Variants in ERBIN observed in about 807,000 individuals in gnomAD.
ERBIN encodes the protein erbb2 interacting protein.
A neutral mutation model predicts 158.4 loss-of-function variants in ERBIN; 60 were observed. That is an observed-to-expected ratio of 0.38 (90% CI 0.31 to 0.47). The LOEUF (loss-of-function observed/expected upper bound fraction) is 0.47. ERBIN is among the 20% of genes least tolerant of loss of function. ERBIN has a pLI of 0.99. For synonymous variants in ERBIN, 594 were observed against 557.2 expected (o/e 1.07, Z -0.93); for missense variants, 1,610 against 1,648.0 (o/e 0.98, Z 0.40).
At position 66,044,166 on chromosome 5, in the gene ERBIN, A is replaced by G. The variant is rs752094381; in HGVS notation, c.1458A>G (p.Pro486=). The G allele has an allele frequency of 2.9e-5, 46 of 1,583,032 alleles. No homozygotes were observed. In the East Asian group the frequency reaches 9.8e-4, roughly 34 times the overall value. Residue 486 remains proline, a synonymous_variant, in exon 17 of 26, where the codon CCA becomes CCG. Coordinates refer to ENST00000284037, the MANE Select transcript of ERBIN (RefSeq NM_001253697.2). The part of the protein sequence containing the change: ...REGNLKRYPT[P]YPDELKNMVK... Reference sequence around the variant, plus strand: ...GAAATTTAAAAAGATATCCAACACCATACCCAGATGAGCTTAAGAATATGG... The same window carrying G: ...GAAATTTAAAAAGATATCCAACACCGTACCCAGATGAGCTTAAGAATATGG...
At chr5:65,929,909 G>C (rs573382001) in intron 1 of ERBIN, among the ~76,000 whole-genome samples, 35 of 152,170 alleles carry the variant, frequency 2.3e-4, no homozygotes, top group Admixed American at 9.2e-4. Flanking sequence ...CGAAGTGCTG[G>C]GATTACAGGT....
intron 14 of ERBIN, among the ~76,000 whole-genome samples, chr5:66,036,383 C>T (rs1470968842): frequency 6.6e-6 from 1 of 152,152 alleles, no homozygotes; most frequent in African/African-American, 2.4e-5. Context: ...TTCATCTCTA[C>T]CCCATACACA....
chr5:65,965,355 C>T (rs1262934482), intron 1 of ERBIN, among the ~76,000 whole-genome samples: 1 of 141,790 alleles, frequency 7.1e-6, no homozygotes, highest in Non-Finnish European at 1.5e-5. Context: ...CTATGACAGG[C>T]TGTTCTTACC....
At chr5:65,935,778 G>A (rs1744004175) in intron 1 of ERBIN, among the ~76,000 whole-genome samples, 1 of 152,104 alleles carries the variant, frequency 6.6e-6, no homozygotes, top group Non-Finnish European at 1.5e-5. Context: ...AGGCTGTAGT[G>A]CAGTGGCATG....
chr5:66,026,977 A>C (rs1034808101), intron 13 of ERBIN, among the ~76,000 whole-genome samples: 1 of 152,038 alleles, frequency 6.6e-6, no homozygotes, highest in African/African-American at 2.4e-5. Context: ...CAAGGTGCAG[A>C]GTAAATTGAT....
chr5:66,070,021 TTTTA>T (rs777096119), intron 21 of ERBIN, among the ~76,000 whole-genome samples: 6 of 152,184 alleles, frequency 3.9e-5, no homozygotes, highest in Non-Finnish European at 7.4e-5. Context: ...AACCTCCCAA[TTTTA>T]TTTATTTATT....
At chr5:65,948,642 G>A (rs1327601327) in intron 1 of ERBIN, among the ~76,000 whole-genome samples, 2 of 151,828 alleles carry the variant, frequency 1.3e-5, no homozygotes, top group Non-Finnish European at 2.9e-5. Flanking sequence ...TATGGAAACA[G>A]TATTGCTTAC....
chr5:66,065,590 CCTGTGTGTGT>C (rs1388733283), intron 21 of ERBIN, among the ~76,000 whole-genome samples: 5 of 109,486 alleles, frequency 4.6e-5, no homozygotes, highest in Non-Finnish European at 7.6e-5. Flanking sequence ...TTAATTTTGA[CCTGTGTGTGT>C]GTGTGTGTGT....
chr5:65,950,077 C>T (rs1746317296), intron 1 of ERBIN, among the ~76,000 whole-genome samples: 1 of 152,208 alleles, frequency 6.6e-6, no homozygotes, highest in Admixed American at 6.5e-5. Flanking sequence ...GTGATCTCTG[C>T]TCACTGCAGC....
Position 66,053,980 on chromosome 5 carries a change from A to G in ERBIN, c.2662A>G (p.Ser888Gly), listed in dbSNP as rs1392617881. The change falls in exon 21 of 26, where the codon AGT becomes GGT. Residue 888 changes from serine to glycine, a missense_variant. Physicochemically the swap from Ser to Gly is moderately conservative, Grantham distance 56. This residue lies in a region of ERBIN where 1,014 missense variants were observed against 936.1 expected (regional missense o/e 1.08). Coordinates refer to ENST00000284037, the MANE Select transcript of ERBIN (RefSeq NM_001253697.2). Reference sequence around the variant, plus strand: ...AGGGCTAAAAATCTATGATATTCTTAGTGATAATGGACCTCAGCAGCCAAG... The same window carrying G: ...AGGGCTAAAAATCTATGATATTCTTGGTGATAATGGACCTCAGCAGCCAAG... Reference protein sequence around the residue: ...IGGLKIYDILSDNGPQQPSTT... With the variant: ...IGGLKIYDILGDNGPQQPSTT... 2 of 1,614,164 alleles carry G rather than the reference A, an allele frequency of 1.2e-6. No homozygotes were observed. The highest frequency in any genetic ancestry group is 1.7e-6 in the Non-Finnish European group (2 of 1,180,020).
chr5:65,973,297 A>C (rs1749473979), intron 1 of ERBIN, among the ~76,000 whole-genome samples: 1 of 151,218 alleles, frequency 6.6e-6, no homozygotes, highest in South Asian at 2.1e-4. Context: ...AGATATACCC[A>C]ATGTAAATGA....
At chr5:65,929,353 G>T (rs1024844898) in intron 1 of ERBIN, among the ~76,000 whole-genome samples, 1 of 152,114 alleles carries the variant, frequency 6.6e-6, no homozygotes, top group Non-Finnish European at 1.5e-5. Context: ...CGGATAATAC[G>T]ATTTAGACTT....
intron 1 of ERBIN, among the ~76,000 whole-genome samples, chr5:65,975,654 G>C (rs1227940684): frequency 1.3e-5 from 2 of 152,180 alleles, no homozygotes; most frequent in East Asian, 3.8e-4. Context: ...TTCTTGAAAT[G>C]ATGGGGACAA....
At chr5:65,977,178 G>T (rs1750004808) in intron 1 of ERBIN, among the ~76,000 whole-genome samples, 1 of 149,688 alleles carries the variant, frequency 6.7e-6, no homozygotes, top group Admixed American at 6.6e-5. Context: ...GGACGGGGCG[G>T]CTGGCCGGGC....
intron 22 of ERBIN, among the ~76,000 whole-genome samples, 195 bp downstream of exon 22, chr5:66,072,486 G>A (rs992209608): frequency 4.6e-5 from 7 of 152,048 alleles, no homozygotes; most frequent in African/African-American, 1.7e-4. Flanking sequence ...TTCATTTCAT[G>A]ATTTTTCTAC....
chr5:66,078,748 T>TTTTAAACATAGCAATCA lies in ERBIN; in HGVS notation c.*218_*219insTTTAAACATAGCAATCA, dbSNP rs1432351789. ...TGAATTCATACCATATAAAACTTGT[T>TTTTAAACATAGCAATCA]AGGTTTTTAAACATAGCAATCAAGG... On this transcript the variant is annotated 3_prime_UTR_variant, in exon 26 of 26. Transcript: ENST00000284037. The TTTTAAACATAGCAATCA allele has an allele frequency of 3.1e-5, 15 of 488,298 alleles. No individual in the cohort carries two copies. Among genetic ancestry groups the TTTTAAACATAGCAATCA allele is most frequent in the Non-Finnish European group, 5.4e-5 (15 of 278,190 alleles). 30.2% of individuals were successfully genotyped at this position (488,298 alleles called of 1,614,324 possible).
Position 66,048,754 on chromosome 5 carries a change from G to T in ERBIN, c.1876G>T (p.Val626Phe). The part of the protein sequence containing the change: ...LIETSINQPK[V>F]VALSNNKKDD... ...TGAAACCTCTATTAACCAGCCAAAA[G>T]TCGTAGCACTTAGTAATAACAAAAA... is the stretch of plus-strand genomic sequence containing the variant. Residue 626 changes from valine (V) to phenylalanine (F), a missense_variant, in exon 19 of 26, where the codon GTC becomes TTC. Physicochemically the swap from Val to Phe is conservative, Grantham distance 50 (BLOSUM62 -1). Around this residue, in one of 2 missense-constraint regions of ERBIN, gnomAD observed 1,014 missense variants for 936.1 expected, o/e 1.08. Transcript: ENST00000284037. 6.2e-7 allele frequency: 1 copy of T among 1,602,380 alleles called. No homozygotes were observed. The highest frequency in any genetic ancestry group is 1.1e-5 in the South Asian group (1 of 87,700).
At chr5:66,051,818 C>G (rs1361915795) in intron 20 of ERBIN, among the ~76,000 whole-genome samples, 2 of 147,710 alleles carry the variant, frequency 1.4e-5, no homozygotes, top group Non-Finnish European at 3.0e-5. Context: ...TTGCTTGAGC[C>G]CAGGAGGCGG....
chr5:65,956,914 G>T (rs903270652), intron 1 of ERBIN, among the ~76,000 whole-genome samples: 1 of 152,154 alleles, frequency 6.6e-6, no homozygotes, highest in Non-Finnish European at 1.5e-5. Flanking sequence ...TTTGAAAAGT[G>T]TTGGGATTAC....
Sources: allele counts gnomAD v4.1 joint callset (sites outside exome capture counted in the v4.1 genomes callset), GRCh38; gene constraint gnomAD v4.1.1; regional missense constraint gnomAD v4.1.1; transcripts MANE v1.5; gene names NCBI Gene and HGNC (gene_info 2026-07-23, HGNC 2026-07-21).